The following CFAP54 variants were observed in gnomAD, a reference collection of about 807,000 sequenced individuals.
The protein encoded by CFAP54 is cilia and flagella associated protein 54.
In CFAP54, 290 loss-of-function variants were observed where a neutral mutation model predicts 370.4. The observed-to-expected ratio is 0.78, with a 90% CI of 0.71 to 0.86. The LOEUF (loss-of-function observed/expected upper bound fraction) is 0.86. Ranked by LOEUF, CFAP54 falls within the 40% of genes least tolerant of loss-of-function variation. The probability of loss-of-function intolerance (pLI) is 0.00; values close to 1 mark genes in which losing one functional copy is unlikely to be tolerated. For missense variants in CFAP54, 3,399 were observed against 3,528.7 expected (o/e 0.96, Z 0.93); for synonymous variants, 1,206 against 1,236.5 (o/e 0.98, Z 0.52).
rs1956154774 is a variant in CFAP54 at position 96,594,383 on chromosome 12, T to G, written c.3453T>G (p.Thr1151=). Reference sequence around the variant, plus strand: ...CCAGCTATGCCCTTCAAGCTGTGACTCAATGTTATGGACTTCTTGCTCCCA... The same window carrying G: ...CCAGCTATGCCCTTCAAGCTGTGACGCAATGTTATGGACTTCTTGCTCCCA... ...NDSSYALQAV[T]QCYGLLAPII... The change falls in exon 25 of 68, where the codon ACT becomes ACG. Residue 1151 remains threonine, a synonymous_variant. Transcript: ENST00000524981. 3 of 1,534,516 alleles carry G rather than the reference T, an allele frequency of 2.0e-6. No homozygotes were observed. The Admixed American group carries it at 5.9e-5, about 30-fold the overall frequency.
At chr12:96,512,381 C>T (rs1955183129) in intron 4 of CFAP54, among the ~76,000 whole-genome samples, 2 of 139,100 alleles carry the variant, frequency 1.4e-5, no homozygotes, top group South Asian at 2.2e-4. Flanking sequence ...CTTGCTCTGT[C>T]GCCCAGGCTA....
chr12:96,523,922 T>TG (rs1191512823), intron 8 of CFAP54, among the ~76,000 whole-genome samples: 1 of 151,922 alleles, frequency 6.6e-6, no homozygotes, highest in Non-Finnish European at 1.5e-5. Flanking sequence ...TCTGGTGATT[T>TG]TTTTTTTTTA....
intron 39 of CFAP54, among the ~76,000 whole-genome samples, chr12:96,664,219 G>C (rs1031299425): frequency 3.3e-5 from 5 of 152,056 alleles, no homozygotes; most frequent in Non-Finnish European, 7.4e-5. Context: ...TTGTTTTACA[G>C]ATTATTTTAT....
At chr12:96,622,339 C>CCTCTCTCTCT (rs371334823) in intron 27 of CFAP54, among the ~76,000 whole-genome samples, 5 of 137,420 alleles carry the variant, frequency 3.6e-5, no homozygotes, top group East Asian at 2.2e-4. Context: ...GCCCTCCCTC[C>CCTCTCTCTCT]CTCTCTCTCT....
Position 96,544,410 on chromosome 12 carries a change from ATCTCTCTC to A in CFAP54, c.2077+3449_2077+3456del, listed in dbSNP as rs71068815. Reference sequence around the variant, plus strand: ...CGAAGCAGTCCTCAGAAAACAGAATATCTCTCTCTCTCTCTCTCTCTCTCTCTCTCTCT... The same window carrying A: ...CGAAGCAGTCCTCAGAAAACAGAATATCTCTCTCTCTCTCTCTCTCTCTCT... On this transcript the variant is annotated intron_variant, in intron 14 of 67. Coordinates refer to ENST00000524981, the MANE Select transcript of CFAP54 (RefSeq NM_001306084.2). Among the ~76,000 whole-genome samples, 259 of 148,116 alleles carry A rather than the reference ATCTCTCTC, an allele frequency of 1.7e-3. 1 individual carries two copies. Among genetic ancestry groups the A allele is most frequent in the African/African-American group, 5.3e-3 (213 of 40,052 alleles).
chr12:96,618,471 G>A (rs1301845641), intron 26 of CFAP54, among the ~76,000 whole-genome samples: 1 of 152,180 alleles, frequency 6.6e-6, no homozygotes, highest in African/African-American at 2.4e-5. Context: ...AAGGGTGGTT[G>A]TAGTTACAGA....
At chr12:96,748,270 G>C (rs919242599) in intron 55 of CFAP54, among the ~76,000 whole-genome samples, 2 of 152,128 alleles carry the variant, frequency 1.3e-5, no homozygotes, top group Non-Finnish European at 2.9e-5. Context: ...ACTGTCTCTA[G>C]CTCCCAGATT....
Position 96,589,478 on chromosome 12 carries a change from GTTTGGGATTAT to G in CFAP54, c.3132_3142del (p.Trp1044CysfsTer8), listed in dbSNP as rs1315700278. 3 of 1,531,048 alleles carry G rather than the reference GTTTGGGATTAT, an allele frequency of 2.0e-6. No homozygotes were observed. Among genetic ancestry groups the G allele is most frequent in the Non-Finnish European group, 2.6e-6 (3 of 1,142,646 alleles). 94.8% of individuals were successfully genotyped at this position (1,531,048 alleles called of 1,614,324 possible). A position where few individuals can be genotyped will look rare whatever the true frequency, so the allele number is the denominator to read the frequency against. On this transcript the variant is annotated frameshift_variant, in exon 23 of 68. Coordinates refer to ENST00000524981, the MANE Select transcript of CFAP54 (RefSeq NM_001306084.2). LOFTEE classifies it high-confidence loss of function. ...ATTGGCTAAGAAAGTTTTCTCACCA[GTTTGGGATTAT>G]TTTGTTGCTTCGCCACTTCAGGATG...
intron 26 of CFAP54, among the ~76,000 whole-genome samples, chr12:96,602,488 T>C (rs1485589954): frequency 2.0e-5 from 3 of 152,186 alleles, no homozygotes; most frequent in African/African-American, 4.8e-5. Flanking sequence ...GTTCCAGAGA[T>C]GAGTTCAAGT....
At chr12:96,569,516 C>G (rs1033187508) in intron 19 of CFAP54, among the ~76,000 whole-genome samples, 10 of 152,022 alleles carry the variant, frequency 6.6e-5, no homozygotes, top group African/African-American at 2.4e-4. Flanking sequence ...TTTCGTAGAC[C>G]CTCCTTCCTC....
chr12:96,558,852 G>A (rs1955784391), intron 17 of CFAP54, among the ~76,000 whole-genome samples: 1 of 152,106 alleles, frequency 6.6e-6, no homozygotes, highest in African/African-American at 2.4e-5. Context: ...CTTAAGAACA[G>A]GCAACCAGAG....
chr12:96,826,301 A>G (rs1959101132), intron 65 of CFAP54, among the ~76,000 whole-genome samples: 1 of 143,508 alleles, frequency 7.0e-6, no homozygotes, highest in Non-Finnish European at 1.5e-5. Flanking sequence ...ACATATATAT[A>G]TAGAAGACAA....
chr12:96,718,973 G>A (rs1238114324), intron 49 of CFAP54, among the ~76,000 whole-genome samples: 2 of 152,062 alleles, frequency 1.3e-5, no homozygotes, highest in African/African-American at 4.8e-5. Flanking sequence ...AGGAGGCAGA[G>A]GTTGCAGTGA....
At chr12:96,765,438 A>G (rs527526208) in intron 60 of CFAP54, among the ~76,000 whole-genome samples, 4 of 152,256 alleles carry the variant, frequency 2.6e-5, no homozygotes, top group Admixed American at 2.0e-4. Context: ...TTTCAGATGC[A>G]TGTTCTTTTA....
chr12:96,737,151 C>T (rs1957988313), intron 50 of CFAP54, among the ~76,000 whole-genome samples: 1 of 152,102 alleles, frequency 6.6e-6, no homozygotes, highest in African/African-American at 2.4e-5. Context: ...CATCCCAAAT[C>T]TGAAAATTTG....
At position 96,594,411 on chromosome 12, in the gene CFAP54, A is replaced by T; in HGVS notation, c.3481A>T (p.Ile1161Phe). 1 of 1,533,976 alleles carries T rather than the reference A, an allele frequency of 6.5e-7. No homozygotes were observed. The highest frequency in any genetic ancestry group is 8.7e-7 in the Non-Finnish European group (1 of 1,145,346). ...ATGTTATGGACTTCTTGCTCCCATA[A>T]TTTATCACAATATTGTTTTGGTACC... ...TQCYGLLAPI[I>F]YHNIVLVPVV... The change falls in exon 25 of 68, where the codon ATT (isoleucine) becomes TTT (phenylalanine). Residue 1161 changes from isoleucine to phenylalanine, a missense_variant. Transcript: ENST00000524981.
At chr12:96,847,412 GT>G (rs1457434438) in intron 66 of CFAP54, among the ~76,000 whole-genome samples, 1 of 152,118 alleles carries the variant, frequency 6.6e-6, no homozygotes, top group East Asian at 1.9e-4. Flanking sequence ...TTTTATGGAA[GT>G]TTTATTACAT....
At chr12:96,530,236 C>A (rs1955427206) in intron 9 of CFAP54, among the ~76,000 whole-genome samples, 1 of 152,154 alleles carries the variant, frequency 6.6e-6, no homozygotes, top group African/African-American at 2.4e-5. Context: ...ATGCCTGTAA[C>A]CCCAGCCCTT....
At chr12:96,867,822 C>T (rs1960043761) in intron 67 of CFAP54, among the ~76,000 whole-genome samples, 1 of 152,120 alleles carries the variant, frequency 6.6e-6, no homozygotes, top group Non-Finnish European at 1.5e-5. Flanking sequence ...TTCAAGAGTT[C>T]TATTGCACAA....
Sources: gnomAD v4.1 joint callset for allele counts (sites outside exome capture counted in the v4.1 genomes callset) on GRCh38, gnomAD v4.1.1 for gene constraint, MANE v1.5 for transcripts, NCBI Gene and HGNC (gene_info 2026-07-23, HGNC 2026-07-21) for gene names.